The following FLI1 variants were observed in gnomAD, a reference collection of about 807,000 sequenced individuals.
FLI1 encodes Friend leukemia integration 1 transcription factor.
FLI1 carries 13 observed loss-of-function variants against 53.1 expected under a neutral mutation model. That is an observed-to-expected ratio of 0.24 (90% CI 0.16 to 0.39). The LOEUF is 0.39. Ranked by LOEUF, FLI1 falls within the 10% of genes least tolerant of loss-of-function variation. The probability of loss-of-function intolerance (pLI) is 1.00; values close to 1 mark genes in which losing one functional copy is unlikely to be tolerated. For missense variants in FLI1, 424 were observed against 600.5 expected, an observed-to-expected ratio of 0.71 and a Z score of 3.07; for synonymous variants, 244 against 236.7, an observed-to-expected ratio of 1.03 and a Z score of -0.28.
At position 128,744,149 on chromosome 11, in the gene FLI1, A is replaced by G. The variant is rs533369793; in HGVS notation, c.19-13966A>G. Among the ~76,000 whole-genome samples, 6 of 152,356 alleles carry G rather than the reference A, an allele frequency of 3.9e-5. No homozygotes were observed. In the East Asian group the frequency reaches 7.7e-4, roughly 20 times the overall value. Reference sequence around the variant, plus strand: ...CAATGGGGCCATGAAGCTCATGAACACTGAGTTATCTGAGCTTACTCGTAG... The same window carrying G: ...CAATGGGGCCATGAAGCTCATGAACGCTGAGTTATCTGAGCTTACTCGTAG... On this transcript the variant is annotated intron_variant, in intron 1 of 8. Transcript: ENST00000527786.
chr11:128,764,783 T>C, intron 2 of FLI1: 3 of 1,593,332 alleles, frequency 1.9e-6, no homozygotes, highest in Non-Finnish European at 2.5e-6. Flanking sequence ...GCTTGGGAGC[T>C]GCAAGAATGG....
intron 1 of FLI1, among the ~76,000 whole-genome samples, chr11:128,738,706 AT>A (rs1940007290): frequency 6.6e-6 from 1 of 152,234 alleles, no homozygotes; most frequent in Admixed American, 6.5e-5. Flanking sequence ...GGGCCAGACA[AT>A]GCAATGACTA....
At chr11:128,742,321 C>A (rs1349228507) in intron 1 of FLI1, among the ~76,000 whole-genome samples, 1 of 152,204 alleles carries the variant, frequency 6.6e-6, no homozygotes, top group Non-Finnish European at 1.5e-5. Context: ...CAGTGCCCAG[C>A]ACATAGAAGA....
intron 1 of FLI1, among the ~76,000 whole-genome samples, chr11:128,750,071 T>C (rs1305434511): frequency 6.6e-6 from 1 of 152,224 alleles, no homozygotes; most frequent in Non-Finnish European, 1.5e-5. Context: ...GGACTTCGTG[T>C]CATTATGCAA....
chr11:128,764,794 A>G (rs1175772248), intron 2 of FLI1: 1 of 1,593,954 alleles, frequency 6.3e-7, no homozygotes, highest in Admixed American at 1.7e-5. Flanking sequence ...GCAAGAATGG[A>G]GGGAGGACTG....
intron 1 of FLI1, among the ~76,000 whole-genome samples, chr11:128,715,706 T>C (rs994365135): frequency 3.3e-5 from 5 of 152,326 alleles, no homozygotes; most frequent in South Asian, 2.1e-4. Context: ...AGAGATGACC[T>C]GATTGAATTC....
chr11:128,807,733 T>C lies in FLI1; in HGVS notation c.781+494T>C, dbSNP rs377555103. Among the ~76,000 whole-genome samples the C allele has an allele frequency of 1.6e-4, 25 of 152,218 alleles. No individual in the cohort carries two copies. The East Asian group carries it at 3.1e-3, about 19-fold the overall frequency. ...GGAGAGGAACTTGGAGATTTCTGGG[T>C]CTATCCTACCCTCACCTCTACCTTA... is the stretch of plus-strand genomic sequence containing the variant. On this transcript the variant is annotated intron_variant, in intron 7 of 8. Coordinates refer to ENST00000527786, the MANE Select transcript of FLI1 (RefSeq NM_002017.5).
At chr11:128,729,700 G>A (rs1305922765) in intron 1 of FLI1, among the ~76,000 whole-genome samples, 1 of 152,072 alleles carries the variant, frequency 6.6e-6, no homozygotes, top group Non-Finnish European at 1.5e-5. Context: ...TTTTTAAAAG[G>A]ATGGCAACCA....
At chr11:128,749,750 C>T (rs1940560017) in intron 1 of FLI1, among the ~76,000 whole-genome samples, 1 of 152,188 alleles carries the variant, frequency 6.6e-6, no homozygotes, top group Admixed American at 6.5e-5. Flanking sequence ...CTAATGTTTC[C>T]CACCTTCTTC....
At chr11:128,752,696 C>CAGAA (rs1940699547) in intron 1 of FLI1, among the ~76,000 whole-genome samples, 2 of 152,190 alleles carry the variant, frequency 1.3e-5, no homozygotes, top group African/African-American at 4.8e-5. Flanking sequence ...TTTCCATTTT[C>CAGAA]TCATCTGAAA....
intron 2 of FLI1, among the ~76,000 whole-genome samples, chr11:128,766,105 T>A (rs1467227495): frequency 6.6e-6 from 1 of 152,138 alleles, no homozygotes; most frequent in Non-Finnish European, 1.5e-5. Context: ...TGTGCATGCA[T>A]GTGTGTGAGT....
chr11:128,698,628 C>T (rs1938187346), intron 1 of FLI1, among the ~76,000 whole-genome samples: 1 of 151,962 alleles, frequency 6.6e-6, no homozygotes, highest in Non-Finnish European at 1.5e-5. Context: ...AGTGTTCTTT[C>T]CACTATACCA....
At chr11:128,767,973 G>A (rs1941406541) in intron 2 of FLI1, 145 bp from the exon 3 acceptor site, 3 of 657,840 alleles carry the variant, frequency 4.6e-6, no homozygotes, top group East Asian at 2.8e-5. Flanking sequence ...GATAGAAAGA[G>A]GGCATCATCA....
chr11:128,745,538 C>T (rs1244075997), intron 1 of FLI1, among the ~76,000 whole-genome samples: 1 of 152,220 alleles, frequency 6.6e-6, no homozygotes, highest in Non-Finnish European at 1.5e-5. Context: ...TGCTTCCTGA[C>T]TTGATGGGCC....
Position 128,757,041 on chromosome 11 carries a change from A to ATT in FLI1, c.19-1069_19-1068dup, listed in dbSNP as rs202176204. Among the ~76,000 whole-genome samples the ATT allele has an allele frequency of 6.5e-5, 8 of 123,380 alleles. No individual in the cohort carries two copies. The East Asian group carries it at 2.0e-3, about 31-fold the overall frequency. The allele number at this position is 123,380 out of a possible 152,430, so 80.9% of individuals were successfully genotyped here. On this transcript the variant is annotated intron_variant, in intron 1 of 8. Coordinates refer to ENST00000527786, the MANE Select transcript of FLI1 (RefSeq NM_002017.5). ...GGGCACATGCCACCATATCTAGCTAATTTTTTCTTTCTTTCTTTCTTTCTT... is the reference window on the plus strand; with the variant it reads ...GGGCACATGCCACCATATCTAGCTAATTTTTTTTCTTTCTTTCTTTCTTTCTT...
At chr11:128,752,708 A>C (rs952501104) in intron 1 of FLI1, among the ~76,000 whole-genome samples, 2 of 152,246 alleles carry the variant, frequency 1.3e-5, no homozygotes, top group African/African-American at 4.8e-5. Flanking sequence ...CATCTGAAAA[A>C]ATAGAATACA....
chr11:128,737,388 C>T (rs938141357), intron 1 of FLI1, among the ~76,000 whole-genome samples: 26 of 152,298 alleles, frequency 1.7e-4, no homozygotes, highest in African/African-American at 5.3e-4. Context: ...CGTCTCCCAT[C>T]ACAGCCCCCA....
intron 1 of FLI1, among the ~76,000 whole-genome samples, chr11:128,708,154 C>T (rs546770747): frequency 6.6e-6 from 1 of 152,232 alleles, no homozygotes; most frequent in South Asian, 2.1e-4. Context: ...CATTGCCGTG[C>T]ATGGGGGAGG....
At chr11:128,772,567 G>T (rs1207700094) in intron 3 of FLI1, among the ~76,000 whole-genome samples, 1 of 152,192 alleles carries the variant, frequency 6.6e-6, no homozygotes, top group Non-Finnish European at 1.5e-5. Context: ...ACGTAGTGAG[G>T]CAGCTAAGCA....
Sources: allele counts gnomAD v4.1 joint callset (sites outside exome capture counted in the v4.1 genomes callset), GRCh38; gene constraint gnomAD v4.1.1; transcripts MANE v1.5; gene names NCBI Gene and HGNC (gene_info 2026-07-23, HGNC 2026-07-21).